The following INTU variants were observed in gnomAD, a reference collection of about 807,000 sequenced individuals.
INTU encodes protein inturned.
A neutral mutation model predicts 100.5 loss-of-function variants in INTU; 68 were observed. That is an observed-to-expected ratio of 0.68 (90% CI 0.56 to 0.83). The LOEUF (loss-of-function observed/expected upper bound fraction) is 0.83. Among genes scored for constraint, INTU ranks in the 40% least tolerant of loss-of-function variants. The probability of loss-of-function intolerance (pLI) is 0.00; values close to 1 mark genes in which losing one functional copy is unlikely to be tolerated. For missense variants in INTU, 1,071 were observed against 1,114.7 expected (o/e 0.96, Z 0.56); for synonymous variants, 357 against 395.7 (o/e 0.90, Z 1.16).
intron 6 of INTU, among the ~76,000 whole-genome samples, chr4:127,680,847 A>G (rs1451880256): frequency 6.6e-6 from 1 of 151,966 alleles, no homozygotes; most frequent in Non-Finnish European, 1.5e-5. Flanking sequence ...GTATATCTAG[A>G]AAACCCCATT....
intron 3 of INTU, among the ~76,000 whole-genome samples, chr4:127,659,492 A>C (rs1191616529): frequency 1.3e-5 from 2 of 152,212 alleles, no homozygotes; most frequent in East Asian, 3.8e-4. Context: ...TTCTAAAATA[A>C]AATGTTGATT....
At chr4:127,677,521 C>A (rs1729280239) in intron 6 of INTU, among the ~76,000 whole-genome samples, 1 of 151,028 alleles carries the variant, frequency 6.6e-6, no homozygotes, top group Non-Finnish European at 1.5e-5. Flanking sequence ...CAAACTCCAA[C>A]AGACCTGCAG....
At chr4:127,709,979 G>C (rs1040739581) in intron 13 of INTU, among the ~76,000 whole-genome samples, 2 of 152,006 alleles carry the variant, frequency 1.3e-5, no homozygotes, top group African/African-American at 4.8e-5. Flanking sequence ...CAAATAAATT[G>C]GAACCAAACC....
chr4:127,645,323 C>T (rs1179780691), intron 2 of INTU, among the ~76,000 whole-genome samples: 1 of 152,044 alleles, frequency 6.6e-6, no homozygotes, highest in African/African-American at 2.4e-5. Flanking sequence ...CCTTAGAACC[C>T]AGTCACCATT....
At chr4:127,705,879 G>T in intron 11 of INTU, 67 bp downstream of exon 11, 1 of 1,280,188 alleles carries the variant, frequency 7.8e-7, no homozygotes, top group South Asian at 1.3e-5. Flanking sequence ...TTTTCGGCAG[G>T]GGTTGAGGGA....
At chr4:127,695,748 T>C (rs569268982) in intron 8 of INTU, among the ~76,000 whole-genome samples, 60 of 152,294 alleles carry the variant, frequency 3.9e-4, no homozygotes, top group Non-Finnish European at 7.5e-4. Flanking sequence ...AAAGGAGTGG[T>C]GGTAGGGGAC....
intron 4 of INTU, among the ~76,000 whole-genome samples, chr4:127,667,683 G>A (rs1251046078): frequency 6.6e-6 from 1 of 152,014 alleles, no homozygotes; most frequent in African/African-American, 2.4e-5. Flanking sequence ...AATCTATTAA[G>A]TAGACAACAG....
Position 127,703,554 on chromosome 4 carries a change from G to A in INTU, c.1504-674G>A, listed in dbSNP as rs189670007. The stretch of plus-strand genomic sequence containing the variant: ...CAGATGATAACATATATTTTGTTCT[G>A]CAGCTTGCCTTCTTTGCTGAGCAGT... On this transcript the variant is annotated intron_variant, in intron 9 of 15. Coordinates refer to ENST00000335251, the MANE Select transcript of INTU (RefSeq NM_015693.4). Among the ~76,000 whole-genome samples the A allele has an allele frequency of 2.9e-3, 435 of 152,144 alleles. 3 individuals are homozygous for A. The highest frequency in any genetic ancestry group is 9.8e-3 in the African/African-American group (407 of 41,518).
At chr4:127,714,215 A>G (rs1731187366) in intron 15 of INTU, 122 bp downstream of exon 15, 1 of 620,358 alleles carries the variant, frequency 1.6e-6, no homozygotes, top group Admixed American at 3.4e-5. Flanking sequence ...CTATTTTAAT[A>G]TATTTCATTT....
intron 2 of INTU, among the ~76,000 whole-genome samples, chr4:127,655,994 G>A (rs570938008): frequency 1.1e-4 from 17 of 152,284 alleles, no homozygotes; most frequent in South Asian, 2.1e-4. Context: ...TTCCAGGTGC[G>A]TCCGTCACCC....
chr4:127,715,678 G>C (rs186357202), intron 15 of INTU, among the ~76,000 whole-genome samples: 2 of 152,282 alleles, frequency 1.3e-5, no homozygotes, highest in East Asian at 1.9e-4. Context: ...AGACCAGTTA[G>C]GCACACATGT....
Position 127,702,664 on chromosome 4 carries a change from C to T in INTU, c.1504-1564C>T, listed in dbSNP as rs146118935. Among the ~76,000 whole-genome samples the T allele has an allele frequency of 6.8e-4, 103 of 152,254 alleles. 1 individual carries two copies. Among genetic ancestry groups the T allele is most frequent in the African/African-American group, 2.2e-3 (92 of 41,552 alleles). ...AATATGAAAATAAGGATCTATTCTA[C>T]ACTTTTTGGTGAAATTAGATTAAAG... On this transcript the variant is annotated intron_variant, in intron 9 of 15. Transcript: ENST00000335251.
chr4:127,651,764 T>G (rs1334989780), intron 2 of INTU, among the ~76,000 whole-genome samples: 1 of 151,030 alleles, frequency 6.6e-6, no homozygotes, highest in African/African-American at 2.5e-5. Context: ...AGAAAGTCAT[T>G]GGTAGCTTTA....
chr4:127,703,062 G>A (rs1730718171), intron 9 of INTU, among the ~76,000 whole-genome samples: 1 of 152,130 alleles, frequency 6.6e-6, no homozygotes, highest in South Asian at 2.1e-4. Context: ...TGTGTCTTGA[G>A]AATTTAAATA....
intron 12 of INTU, among the ~76,000 whole-genome samples, chr4:127,707,226 C>G (rs1003379155): frequency 1.3e-5 from 2 of 151,434 alleles, no homozygotes; most frequent in African/African-American, 4.9e-5. Context: ...AATAAAATTA[C>G]AAAAAAATTG....
Position 127,711,249 on chromosome 4 carries a change from A to T in INTU, c.2559+147A>T, listed in dbSNP as rs538789917. 3 of 538,746 alleles carry T rather than the reference A, an allele frequency of 5.6e-6. No homozygotes were observed. In the East Asian group the frequency reaches 9.0e-5, roughly 16 times the overall value. The allele number at this position is 538,746 out of a possible 1,614,324, so 33.4% of individuals were successfully genotyped here. ...TTAATCTAACGTGGGTGCCAAAACA[A>T]TTATACTCACAGTACTTCAAGGTTT... On this transcript the variant is annotated intron_variant, in intron 14 of 15. Coordinates refer to ENST00000335251, the MANE Select transcript of INTU (RefSeq NM_015693.4).
Position 127,651,436 on chromosome 4 carries a change from T to C in INTU, c.683-5200T>C, listed in dbSNP as rs1047354493. Among the ~76,000 whole-genome samples, 8 of 152,222 alleles carry C rather than the reference T, an allele frequency of 5.3e-5. No individual in the cohort carries two copies. The East Asian group carries it at 1.2e-3, about 22-fold the overall frequency. On this transcript the variant is annotated intron_variant, in intron 2 of 15. Transcript: ENST00000335251. ...GGATCCAGTTTCAGCTTTCTACATA[T>C]GGCTAGCCAGTTATCCCAGCACCAT...
chr4:127,636,641 G>A (rs1578519061), intron 1 of INTU, among the ~76,000 whole-genome samples: 1 of 150,874 alleles, frequency 6.6e-6, no homozygotes, highest in East Asian at 1.9e-4. Flanking sequence ...AATCTGTACA[G>A]CAAAGCCCTA....
At position 127,706,921 on chromosome 4, in the gene INTU, A is replaced by G. The variant is rs113308891; in HGVS notation, c.2223A>G (p.Arg741=). The change falls in exon 12 of 16, where the codon AGA becomes AGG. Residue 741 remains arginine (R), a synonymous_variant. Coordinates refer to ENST00000335251, the MANE Select transcript of INTU (RefSeq NM_015693.4). Reference sequence around the variant, plus strand: ...CACCGGATGCAGTACGGAAGCAAAGAGAATCTCAGGGCTCTGATGGTTTAG... The same window carrying G: ...CACCGGATGCAGTACGGAAGCAAAGGGAATCTCAGGGCTCTGATGGTTTAG... ...HTTPDAVRKQ[R]ESQGSDGLEE... 1.1e-5 allele frequency: 18 copies of G among 1,614,058 alleles called. No individual in the cohort carries two copies. Among genetic ancestry groups the G allele is most frequent in the African/African-American group, 5.3e-5 (4 of 75,050 alleles).
Sources: allele counts gnomAD v4.1 joint callset (sites outside exome capture counted in the v4.1 genomes callset), GRCh38; gene constraint gnomAD v4.1.1; transcripts MANE v1.5; gene names NCBI Gene and HGNC (gene_info 2026-07-23, HGNC 2026-07-21).